NDUFAF2: variants seen among roughly 807,000 people sequenced by gnomAD.
NDUFAF2 encodes the protein NADH:ubiquinone oxidoreductase complex assembly factor 2, also known as NADH dehydrogenase [ubiquinone] 1 alpha subcomplex assembly factor 2.
NDUFAF2 carries 13 observed loss-of-function variants against 22.8 expected under a neutral mutation model. That is an observed-to-expected ratio of 0.57 (90% CI 0.37 to 0.91). NDUFAF2 has a LOEUF of 0.91. Ranked by LOEUF, NDUFAF2 falls within the 40% of genes least tolerant of loss-of-function variation. The pLI is 0.01. For missense variants in NDUFAF2, 162 were observed against 195.2 expected (o/e 0.83, Z 1.01); for synonymous variants, 53 against 64.2 (o/e 0.83, Z 0.84).
intron 1 of NDUFAF2, among the ~76,000 whole-genome samples, chr5:60,949,392 C>T (rs1750510462): frequency 6.6e-6 from 1 of 152,168 alleles, no homozygotes; most frequent in South Asian, 2.1e-4. Flanking sequence ...CTTTTTACTG[C>T]TGATTAGTAT....
At chr5:61,049,612 C>T (rs1278879853) in intron 1 of NDUFAF2, among the ~76,000 whole-genome samples, 2 of 151,954 alleles carry the variant, frequency 1.3e-5, no homozygotes, top group Non-Finnish European at 2.9e-5. Flanking sequence ...TCTTCTTCTC[C>T]CCCACCATTC....
intron 1 of NDUFAF2, among the ~76,000 whole-genome samples, chr5:61,001,120 A>G (rs1393094503): frequency 6.6e-6 from 1 of 152,106 alleles, no homozygotes; most frequent in East Asian, 1.9e-4. Flanking sequence ...TCTTTGGCAG[A>G]AACACCCCAG....
intron 1 of NDUFAF2, among the ~76,000 whole-genome samples, chr5:61,011,712 G>A (rs1350343222): frequency 3.9e-5 from 6 of 152,000 alleles, no homozygotes; most frequent in Admixed American, 3.9e-4. Context: ...TCTATTGCAT[G>A]CAGTTAAAAT....
intron 1 of NDUFAF2, among the ~76,000 whole-genome samples, chr5:61,041,672 C>T (rs1020340886): frequency 5.3e-5 from 8 of 152,134 alleles, no homozygotes; most frequent in African/African-American, 1.9e-4. Flanking sequence ...GGTGAATAAG[C>T]ATCACTTGTA....
intron 3 of NDUFAF2, among the ~76,000 whole-genome samples, chr5:61,137,873 C>T (rs1163100248): frequency 6.6e-6 from 1 of 152,234 alleles, no homozygotes; most frequent in Non-Finnish European, 1.5e-5. Context: ...AACAAAGCTT[C>T]AGCCAATTTA....
chr5:61,106,562 T>C (rs1252555173), intron 3 of NDUFAF2, among the ~76,000 whole-genome samples: 4 of 151,354 alleles, frequency 2.6e-5, no homozygotes, highest in Non-Finnish European at 5.9e-5. Flanking sequence ...TTAATTATAC[T>C]CTTTTAGTTA....
intron 1 of NDUFAF2, among the ~76,000 whole-genome samples, chr5:60,969,644 G>T (rs745555100): frequency 5.9e-5 from 9 of 151,992 alleles, no homozygotes; most frequent in Admixed American, 2.6e-4. Flanking sequence ...GATGGGTAGT[G>T]TGCAAATATT....
chr5:61,097,829 T>C (rs545912705), intron 2 of NDUFAF2, among the ~76,000 whole-genome samples: 9 of 152,364 alleles, frequency 5.9e-5, no homozygotes, highest in African/African-American at 2.2e-4. Flanking sequence ...GTGGATGGTT[T>C]TTAGAGCCAG....
intron 1 of NDUFAF2, among the ~76,000 whole-genome samples, chr5:61,027,790 A>C (rs1751670971): frequency 6.6e-6 from 1 of 151,924 alleles, no homozygotes; most frequent in Non-Finnish European, 1.5e-5. Context: ...AGTTGCTGTC[A>C]ATTTCATCAC....
intron 1 of NDUFAF2, among the ~76,000 whole-genome samples, chr5:60,958,065 T>A (rs1376978302): frequency 6.6e-6 from 1 of 152,214 alleles, no homozygotes; most frequent in Non-Finnish European, 1.5e-5. Flanking sequence ...CTATATTGAT[T>A]CTTTCTAAGC....
chr5:61,045,232 T>A (rs1160036361), intron 1 of NDUFAF2, among the ~76,000 whole-genome samples: 30 of 112,636 alleles, frequency 2.7e-4, no homozygotes, highest in African/African-American at 9.6e-4. Flanking sequence ...TTTTATTAAA[T>A]TTTAATAAAA....
At chr5:60,946,453 T>G (rs768929845) in intron 1 of NDUFAF2, among the ~76,000 whole-genome samples, 1 of 152,240 alleles carries the variant, frequency 6.6e-6, no homozygotes, top group Non-Finnish European at 1.5e-5. Context: ...TTTCTGTAAC[T>G]TATTTTAATA....
chr5:61,101,404 G>T (rs556348389), intron 3 of NDUFAF2, among the ~76,000 whole-genome samples: 1 of 151,852 alleles, frequency 6.6e-6, no homozygotes, highest in African/African-American at 2.4e-5. Context: ...TGTCCATTTC[G>T]TAAAAACTTC....
Position 60,945,206 on chromosome 5 carries a change from C to A in NDUFAF2, c.-50C>A, listed in dbSNP as rs370364064. ...GGCTGGGTCGGCGGCTGGAGCATTA[C>A]CCCTACTGCGGGTCCCGCTGCTGGC... On this transcript the variant is annotated 5_prime_UTR_variant, in exon 1 of 4. Coordinates refer to ENST00000296597, the MANE Select transcript of NDUFAF2 (RefSeq NM_174889.5). 4 of 1,603,690 alleles carry A rather than the reference C, an allele frequency of 2.5e-6. No individual in the cohort carries two copies. The African/African-American group carries it at 4.0e-5, about 16-fold the overall frequency.
intron 1 of NDUFAF2, among the ~76,000 whole-genome samples, chr5:60,979,870 G>A (rs1269589622): frequency 6.6e-6 from 1 of 152,170 alleles, no homozygotes; most frequent in African/African-American, 2.4e-5. Context: ...GAGACCTCGT[G>A]TGTGCTGGCT....
chr5:60,967,671 CT>C (rs1467434562), intron 1 of NDUFAF2, among the ~76,000 whole-genome samples: 1 of 151,740 alleles, frequency 6.6e-6, no homozygotes, highest in Non-Finnish European at 1.5e-5. Context: ...GCAAACCATT[CT>C]TGCTTTCCAG....
At chr5:60,963,266 G>C (rs1217434772) in intron 1 of NDUFAF2, among the ~76,000 whole-genome samples, 1 of 152,118 alleles carries the variant, frequency 6.6e-6, no homozygotes, top group African/African-American at 2.4e-5. Flanking sequence ...ACATAGTGAA[G>C]ATTTTTATTT....
intron 3 of NDUFAF2, among the ~76,000 whole-genome samples, chr5:61,111,326 C>T (rs554820950): frequency 1.3e-5 from 2 of 152,214 alleles, no homozygotes; most frequent in Admixed American, 6.5e-5. Flanking sequence ...ATCTATTAGG[C>T]CCATTTGGTC....
intron 1 of NDUFAF2, among the ~76,000 whole-genome samples, chr5:60,992,080 C>G (rs928544016): frequency 1.3e-5 from 2 of 152,096 alleles, no homozygotes; most frequent in African/African-American, 4.8e-5. Context: ...GCCTATTTAC[C>G]ATTTGTATGT....
Sources: gnomAD v4.1 joint callset for allele counts (sites outside exome capture counted in the v4.1 genomes callset) on GRCh38, gnomAD v4.1.1 for gene constraint, MANE v1.5 for transcripts, NCBI Gene and HGNC (gene_info 2026-07-23, HGNC 2026-07-21) for gene names.